The following EXOC2 variants were observed in gnomAD, a reference collection of about 807,000 sequenced individuals.
EXOC2 encodes exocyst complex component 2.
Under a neutral mutation model 131.8 loss-of-function variants are expected in EXOC2, and 70 were observed. The observed-to-expected ratio is 0.53, with a 90% CI of 0.44 to 0.65. EXOC2 has a LOEUF of 0.65. Ranked by LOEUF, EXOC2 falls within the 30% of genes least tolerant of loss-of-function variation. The pLI, the probability that EXOC2 is intolerant of heterozygous loss-of-function variation, is 0.00. For missense variants in EXOC2, 923 were observed against 1,108.6 expected, an observed-to-expected ratio of 0.83 and a Z score of 2.38; for synonymous variants, 411 against 398.4, an observed-to-expected ratio of 1.03 and a Z score of -0.38.
intron 23 of EXOC2, among the ~76,000 whole-genome samples, chr6:503,767 C>A (rs1764363492): frequency 6.6e-6 from 1 of 152,130 alleles, no homozygotes. Flanking sequence ...TCTCTGTGGT[C>A]TTCCTCGTTC....
At chr6:692,148 C>T (rs1041696329) in intron 1 of EXOC2, among the ~76,000 whole-genome samples, 4 of 152,160 alleles carry the variant, frequency 2.6e-5, no homozygotes, top group Non-Finnish European at 5.9e-5. Flanking sequence ...TAAAGTGTGG[C>T]TAACTTAGAA....
intron 10 of EXOC2, among the ~76,000 whole-genome samples, chr6:594,508 G>C (rs946568895): frequency 1.3e-5 from 2 of 152,186 alleles, no homozygotes; most frequent in Non-Finnish European, 2.9e-5. Context: ...TTTAGGGACG[G>C]TGTTCCTTTT....
At chr6:540,618 C>T (rs1341227346) in intron 22 of EXOC2, among the ~76,000 whole-genome samples, 2 of 151,684 alleles carry the variant, frequency 1.3e-5, no homozygotes, top group East Asian at 1.9e-4. Flanking sequence ...CCAATCAGTA[C>T]AGACAATTAA....
intron 4 of EXOC2, among the ~76,000 whole-genome samples, chr6:623,021 C>T (rs1761372406): frequency 6.6e-6 from 1 of 152,248 alleles, no homozygotes. Context: ...TCCCTCCCTC[C>T]CTCATCCTCA....
chr6:598,385 G>T (rs1041307714), intron 9 of EXOC2, among the ~76,000 whole-genome samples: 3 of 151,948 alleles, frequency 2.0e-5, no homozygotes, highest in Non-Finnish European at 2.9e-5. Flanking sequence ...TAGTTTTCTG[G>T]GTCCTTACAG....
chr6:520,716 A>G (rs1407904408), intron 23 of EXOC2, among the ~76,000 whole-genome samples: 3 of 104,396 alleles, frequency 2.9e-5, no homozygotes, highest in Admixed American at 1.9e-4. Context: ...TCGGAGACGA[A>G]AACAACCACG....
At chr6:555,176 A>T (rs977546733) in intron 20 of EXOC2, 51 bp downstream of exon 20, 1 of 1,114,828 alleles carries the variant, frequency 9.0e-7, no homozygotes, top group Non-Finnish European at 1.2e-6. Context: ...TTGAGCCTGT[A>T]TTTTTAATTC....
chr6:501,710 T>G (rs916176936), intron 23 of EXOC2, among the ~76,000 whole-genome samples: 2 of 133,882 alleles, frequency 1.5e-5, no homozygotes, highest in Non-Finnish European at 3.1e-5. Flanking sequence ...TATCTCTATA[T>G]AAAAGATATA....
intron 4 of EXOC2, among the ~76,000 whole-genome samples, chr6:627,220 AAC>A (rs1301965928): frequency 6.7e-6 from 1 of 149,226 alleles, no homozygotes; most frequent in Non-Finnish European, 1.5e-5. Context: ...CAGTAAGATA[AAC>A]ACAGCTTTCT....
chr6:636,406 C>G lies in EXOC2; in HGVS notation c.118+1295G>C, dbSNP rs553932258. On this transcript the variant is annotated intron_variant, in intron 2 of 27. Coordinates refer to ENST00000230449, the MANE Select transcript of EXOC2 (RefSeq NM_018303.6). ...GTTTTCTCCCGACTGTAACCTTTGTCCATGGTATTCCTTCATTTGGAGAGA... is the reference window on the plus strand; with the variant it reads ...GTTTTCTCCCGACTGTAACCTTTGTGCATGGTATTCCTTCATTTGGAGAGA... 3.8e-4 allele frequency among the ~76,000 whole-genome samples: 58 copies of G among 152,286 alleles called. No individual in the cohort carries two copies. In the Middle Eastern group the frequency reaches 0.014, roughly 36 times the overall value.
At chr6:584,290 C>T (rs979716349) in intron 11 of EXOC2, among the ~76,000 whole-genome samples, 4 of 152,002 alleles carry the variant, frequency 2.6e-5, no homozygotes, top group African/African-American at 9.7e-5. Flanking sequence ...AATATTAACC[C>T]CAATAATATT....
At chr6:656,162 C>A (rs1441918262) in intron 1 of EXOC2, 2 of 1,613,922 alleles carry the variant, frequency 1.2e-6, no homozygotes, top group African/African-American at 2.7e-5. Context: ...CCAAAACAAG[C>A]TGAAGAAGAG....
At chr6:507,392 C>A (rs1424825774) in intron 23 of EXOC2, among the ~76,000 whole-genome samples, 2 of 149,288 alleles carry the variant, frequency 1.3e-5, no homozygotes, top group Non-Finnish European at 3.0e-5. Context: ...AGTGCTCCTG[C>A]ACTCCCAGGG....
intron 23 of EXOC2, among the ~76,000 whole-genome samples, chr6:500,052 A>G (rs145380600): frequency 3.4e-4 from 51 of 152,202 alleles, no homozygotes; most frequent in African/African-American, 1.2e-3. Context: ...ATATACTGTA[A>G]AACATATACA....
At chr6:682,319 C>A (rs2127800967) in intron 1 of EXOC2, among the ~76,000 whole-genome samples, 1 of 151,902 alleles carries the variant, frequency 6.6e-6, no homozygotes, top group South Asian at 2.1e-4. Flanking sequence ...CCTGCCTCAG[C>A]CTCCCGAATA....
At chr6:598,787 C>G (rs919683352) in intron 9 of EXOC2, 73 bp downstream of exon 9, 61 of 1,247,224 alleles carry the variant, frequency 4.9e-5, no homozygotes, top group Non-Finnish European at 6.8e-5. Context: ...ATATAACATT[C>G]TTTGCAGAAC....
intron 22 of EXOC2, among the ~76,000 whole-genome samples, chr6:541,935 T>C (rs1756573394): frequency 6.6e-6 from 1 of 152,230 alleles, no homozygotes; most frequent in Non-Finnish European, 1.5e-5. Context: ...TAATTCATGT[T>C]ACAAACGAGC....
At chr6:633,167 G>A in intron 2 of EXOC2, 50 bp from the exon 3 acceptor site, 1 of 1,576,786 alleles carries the variant, frequency 6.3e-7, no homozygotes, top group Non-Finnish European at 8.6e-7. Context: ...AGAACAATAA[G>A]ACCTTAATCG....
chr6:584,962 C>T (rs1759122378), intron 11 of EXOC2, among the ~76,000 whole-genome samples: 1 of 152,158 alleles, frequency 6.6e-6, no homozygotes, highest in Non-Finnish European at 1.5e-5. Flanking sequence ...TTGTGAATGT[C>T]AGTAGGGGGT....
Sources: allele counts gnomAD v4.1 joint callset (sites outside exome capture counted in the v4.1 genomes callset), GRCh38; gene constraint gnomAD v4.1.1; transcripts MANE v1.5; gene names NCBI Gene and HGNC (gene_info 2026-07-23, HGNC 2026-07-21).